The following IMMP2L variants were observed in gnomAD, a reference collection of about 807,000 sequenced individuals.
The protein encoded by IMMP2L is inner mitochondrial membrane peptidase subunit 2, also known as mitochondrial inner membrane protease subunit 2.
A neutral mutation model predicts 19.3 loss-of-function variants in IMMP2L; 18 were observed. The ratio of observed to expected loss-of-function variants is 0.93; its 90% confidence interval spans 0.64 to 1.38. IMMP2L has a LOEUF of 1.38. IMMP2L is among the 40% of genes most tolerant of loss of function. The probability of loss-of-function intolerance (pLI) is 0.00; values close to 1 mark genes in which losing one functional copy is unlikely to be tolerated. For synonymous variants in IMMP2L, 76 were observed against 73.0 expected, an observed-to-expected ratio of 1.04 and a Z score of -0.21; for missense variants, 233 against 218.2, an observed-to-expected ratio of 1.07 and a Z score of -0.43.
At chr7:110,815,951 G>A (rs1584916720) in intron 5 of IMMP2L, among the ~76,000 whole-genome samples, 1 of 151,912 alleles carries the variant, frequency 6.6e-6, no homozygotes. Flanking sequence ...AGGGTTTTTT[G>A]TGTCTCTATT....
At chr7:110,696,073 C>G (rs1431289301) in intron 5 of IMMP2L, among the ~76,000 whole-genome samples, 2 of 152,170 alleles carry the variant, frequency 1.3e-5, no homozygotes, top group African/African-American at 4.8e-5. Flanking sequence ...TTTGCACCAT[C>G]TCTTACTGAG....
chr7:111,021,034 C>CA (rs1377571633), intron 3 of IMMP2L, among the ~76,000 whole-genome samples: 1 of 151,906 alleles, frequency 6.6e-6, no homozygotes, highest in African/African-American at 2.4e-5. Context: ...TTTAATTTGC[C>CA]AAAAAATAAT....
At chr7:111,186,606 T>C (rs1271502954) in intron 3 of IMMP2L, among the ~76,000 whole-genome samples, 1 of 152,022 alleles carries the variant, frequency 6.6e-6, no homozygotes, top group Non-Finnish European at 1.5e-5. Context: ...TTTTTTTGTA[T>C]TTTTAGTAGA....
At chr7:111,185,324 C>T (rs1486259711) in intron 3 of IMMP2L, among the ~76,000 whole-genome samples, 1 of 152,132 alleles carries the variant, frequency 6.6e-6, no homozygotes, top group African/African-American at 2.4e-5. Flanking sequence ...TAATGAGACC[C>T]TCCATGGACA....
chr7:110,804,751 A>T (rs1801507930), intron 5 of IMMP2L, among the ~76,000 whole-genome samples: 1 of 152,128 alleles, frequency 6.6e-6, no homozygotes, highest in Admixed American at 6.6e-5. Context: ...TGGGGCTGGA[A>T]TACCAAAGTA....
intron 3 of IMMP2L, among the ~76,000 whole-genome samples, chr7:111,241,132 T>G (rs1692975759): frequency 6.6e-6 from 1 of 151,988 alleles, no homozygotes; most frequent in Admixed American, 6.6e-5. Flanking sequence ...TAATTTACGT[T>G]TAAATCTTAC....
chr7:111,063,006 C>T (rs1248194784), intron 3 of IMMP2L, among the ~76,000 whole-genome samples: 1 of 152,230 alleles, frequency 6.6e-6, no homozygotes, highest in South Asian at 2.1e-4. Context: ...ACACTTCTCA[C>T]AGCTCCACTA....
chr7:110,772,770 T>C (rs1354212828), intron 5 of IMMP2L, among the ~76,000 whole-genome samples: 1 of 152,110 alleles, frequency 6.6e-6, no homozygotes. Context: ...GTAAGCACTA[T>C]GCAAGCCCTG....
chr7:111,375,498 C>G (rs1830604008), intron 3 of IMMP2L, among the ~76,000 whole-genome samples: 1 of 151,884 alleles, frequency 6.6e-6, no homozygotes, highest in African/African-American at 2.4e-5. Flanking sequence ...CTTAGCAAAC[C>G]TGTGAACAGA....
intron 5 of IMMP2L, among the ~76,000 whole-genome samples, chr7:110,688,126 G>T (rs1252421235): frequency 6.6e-6 from 1 of 152,040 alleles, no homozygotes; most frequent in African/African-American, 2.4e-5. Context: ...AGCCATGTTG[G>T]AAGTGGATCC....
At chr7:110,865,016 CCTGT>C (rs1345443744) in intron 5 of IMMP2L, among the ~76,000 whole-genome samples, 9 of 151,936 alleles carry the variant, frequency 5.9e-5, no homozygotes, top group Non-Finnish European at 1.2e-4. Flanking sequence ...ATGCTAGCTA[CCTGT>C]CTAATATTAT....
At chr7:111,264,571 G>T (rs1246237027) in intron 3 of IMMP2L, among the ~76,000 whole-genome samples, 1 of 151,740 alleles carries the variant, frequency 6.6e-6, no homozygotes, top group Non-Finnish European at 1.5e-5. Flanking sequence ...TTTAAGGCTG[G>T]ATAGCAGCAC....
intron 5 of IMMP2L, among the ~76,000 whole-genome samples, chr7:110,883,358 C>A (rs1016287417): frequency 1.3e-5 from 2 of 152,166 alleles, no homozygotes; most frequent in African/African-American, 4.8e-5. Flanking sequence ...CTAAAACTAT[C>A]ATCTCCTATT....
chr7:111,458,922 T>C (rs115212294), intron 3 of IMMP2L, among the ~76,000 whole-genome samples: 47 of 152,310 alleles, frequency 3.1e-4, no homozygotes, highest in African/African-American at 1.1e-3. Flanking sequence ...TCTCCTTGTA[T>C]ATAAACTCAA....
intron 5 of IMMP2L, among the ~76,000 whole-genome samples, chr7:110,825,867 C>A (rs549854594): frequency 6.6e-6 from 1 of 152,056 alleles, no homozygotes; most frequent in East Asian, 1.9e-4. Flanking sequence ...AGCTTCTGCA[C>A]AGCAAAAGAA....
At chr7:111,517,308 T>C (rs1426571314) in intron 2 of IMMP2L, among the ~76,000 whole-genome samples, 1 of 152,056 alleles carries the variant, frequency 6.6e-6, no homozygotes, top group Non-Finnish European at 1.5e-5. Context: ...AATTTCCTAA[T>C]ATATTCTGCA....
At chr7:111,008,710 A>C (rs2129562882) in intron 3 of IMMP2L, among the ~76,000 whole-genome samples, 1 of 152,136 alleles carries the variant, frequency 6.6e-6, no homozygotes, top group Admixed American at 6.6e-5. Context: ...TCACTGCTGT[A>C]TCCTCAGTGC....
At chr7:110,916,131 A>G (rs1813591802) in intron 4 of IMMP2L, among the ~76,000 whole-genome samples, 1 of 152,240 alleles carries the variant, frequency 6.6e-6, no homozygotes, top group African/African-American at 2.4e-5. Flanking sequence ...AAGAATTAAA[A>G]GAATTAAAAA....
At chr7:110,699,541 C>T (rs935964997) in intron 5 of IMMP2L, among the ~76,000 whole-genome samples, 4 of 151,990 alleles carry the variant, frequency 2.6e-5, no homozygotes, top group Admixed American at 6.6e-5. Context: ...GAGGCCGAGG[C>T]GGGCGGATCA....
Sources: allele counts gnomAD v4.1 joint callset (sites outside exome capture counted in the v4.1 genomes callset), GRCh38; gene constraint gnomAD v4.1.1; transcripts MANE v1.5; gene names NCBI Gene and HGNC (gene_info 2026-07-23, HGNC 2026-07-21).